The following PRR5 variants were observed in gnomAD, a reference collection of about 807,000 sequenced individuals.
PRR5 encodes proline-rich protein 5.
A neutral mutation model predicts 30.6 loss-of-function variants in PRR5; 25 were observed. The observed-to-expected ratio is 0.82, with a 90% CI of 0.60 to 1.14. The LOEUF is 1.14. Among genes scored for constraint, PRR5 ranks in the 50% most tolerant of loss-of-function variants. The pLI is 0.00. For synonymous variants in PRR5, 286 were observed against 247.1 expected (o/e 1.16, Z -1.48); for missense variants, 600 against 547.1 (o/e 1.10, Z -0.96).
intron 1 of PRR5, among the ~76,000 whole-genome samples, chr22:44,704,569 C>G (rs1447158122): frequency 6.6e-6 from 1 of 152,052 alleles, no homozygotes; most frequent in Non-Finnish European, 1.5e-5. Flanking sequence ...TCTCCCAGCC[C>G]TTAGGCCTAC....
chr22:44,728,728 G>A (rs1921328971), intron 4 of PRR5, among the ~76,000 whole-genome samples: 1 of 152,194 alleles, frequency 6.6e-6, no homozygotes, highest in African/African-American at 2.4e-5. Context: ...GGTTCCACTG[G>A]GAGCTCTTCA....
chr22:44,672,306 C>T (rs993419547), upstream of PRR5, among the ~76,000 whole-genome samples: 3 of 152,126 alleles, frequency 2.0e-5, no homozygotes, highest in East Asian at 1.9e-4. Context: ...TCAAGATGGC[C>T]GGGCACGGTG....
intron 1 of PRR5, among the ~76,000 whole-genome samples, chr22:44,671,263 G>A (rs1257266952): frequency 1.3e-5 from 2 of 152,220 alleles, no homozygotes; most frequent in East Asian, 3.8e-4. Context: ...GGCAAGAAAT[G>A]TGAATCAGAA....
intron 1 of PRR5, among the ~76,000 whole-genome samples, chr22:44,696,831 G>C (rs1227759658): frequency 1.3e-5 from 2 of 152,094 alleles, no homozygotes; most frequent in Non-Finnish European, 2.9e-5. Context: ...CCGCTTCCAG[G>C]GTTCGAGCGA....
chr22:44,726,507 G>T, intron 3 of PRR5, 70 bp from the exon 4 acceptor site: 1 of 1,608,980 alleles, frequency 6.2e-7, no homozygotes. Flanking sequence ...GGACTCTCGG[G>T]GGCCCTGCTG....
chr22:44,727,164 G>A (rs1920994457), intron 4 of PRR5, among the ~76,000 whole-genome samples: 1 of 151,826 alleles, frequency 6.6e-6, no homozygotes, highest in Non-Finnish European at 1.5e-5. Flanking sequence ...TCAGGGGTGG[G>A]GGCGGGACTC....
In PRR5 at chr22:44,737,358, A is replaced by G. The variant is rs3329; in HGVS notation, c.*111A>G. ...TACTGCGTCCCGTCCCGCCAGCCCT[A>G]TCGGCCTCGTCACTGGCCTTGGTCA... On this transcript the variant is annotated 3_prime_UTR_variant, in exon 8 of 8. Transcript: ENST00000336985. The G allele has an allele frequency of 0.19, 280,902 of 1,445,802 alleles. 40,960 individuals are homozygous for G. Among genetic ancestry groups the G allele is most frequent in the African/African-American group, 0.72 (50,562 of 70,190 alleles). 89.6% of individuals were successfully genotyped at this position (1,445,802 alleles called of 1,614,324 possible). A position where few individuals can be genotyped will look rare whatever the true frequency, so the allele number is the denominator to read the frequency against.
intron 1 of PRR5, among the ~76,000 whole-genome samples, chr22:44,685,544 C>T (rs1312204531): frequency 6.8e-6 from 1 of 147,298 alleles, no homozygotes; most frequent in Non-Finnish European, 1.5e-5. Flanking sequence ...GTGAAAGCCA[C>T]ACCCCTCTCG....
At chr22:44,711,455 G>A (rs550203259) in intron 1 of PRR5, among the ~76,000 whole-genome samples, 1 of 152,180 alleles carries the variant, frequency 6.6e-6, no homozygotes, top group African/African-American at 2.4e-5. Context: ...ACAGGTCAGA[G>A]GGAGAACCTC....
At chr22:44,734,988 G>A (rs1270571033) in intron 6 of PRR5, 39 bp from the exon 7 acceptor site, 2 of 1,583,592 alleles carry the variant, frequency 1.3e-6, no homozygotes, top group East Asian at 2.3e-5. Flanking sequence ...ACCAAGCTCG[G>A]GTGCATGACC....
intron 1 of PRR5, among the ~76,000 whole-genome samples, chr22:44,694,777 A>G (rs777090165): frequency 6.6e-6 from 1 of 152,128 alleles, no homozygotes; most frequent in Non-Finnish European, 1.5e-5. Flanking sequence ...CTGGCCCATA[A>G]TAAGTGCTCA....
chr22:44,705,144 T>A (rs554223766), intron 1 of PRR5, among the ~76,000 whole-genome samples: 1 of 152,264 alleles, frequency 6.6e-6, no homozygotes, highest in Non-Finnish European at 1.5e-5. Flanking sequence ...AGCAGAAATT[T>A]GTTCCCTCAC....
At position 44,735,134 on chromosome 22, in the gene PRR5, G is replaced by A; in HGVS notation, c.663G>A (p.Glu221=). 6.2e-7 allele frequency: 1 copy of A among 1,613,160 alleles called. No individual in the cohort carries two copies. The highest frequency in any genetic ancestry group is 8.5e-7 in the Non-Finnish European group (1 of 1,179,898). Residue 221 remains glutamate, a synonymous_variant, in exon 7 of 8, where the codon GAG becomes GAA. Transcript: ENST00000336985. The part of the protein sequence containing the change: ...YLGTYGLHSS[E]GPFTHSCILE... ...GCACCTACGGCCTCCACTCCAGCGA[G>A]GGGCCCTTCACCCATTCCTGCATCC...
Position 44,702,435 on chromosome 22 carries a change from T to A in PRR5, c.-40T>A, listed in dbSNP as rs896607922. 1 of 1,283,478 alleles carries A rather than the reference T, an allele frequency of 7.8e-7. No homozygotes were observed. The highest frequency in any genetic ancestry group is 1.6e-5 in the African/African-American group (1 of 63,470). 79.5% of individuals were successfully genotyped at this position (1,283,478 alleles called of 1,614,324 possible). On this transcript the variant is annotated 5_prime_UTR_variant, in exon 1 of 8. Coordinates refer to ENST00000336985, the MANE Select transcript of PRR5 (RefSeq NM_181333.4). ...GTGCGGCGTGGCGCAGGGCGCGGCG[T>A]GGGGCGCGCGTGGGCGCGGCGCAGG...
At chr22:44,688,507 G>A (rs1381455902) in intron 1 of PRR5, among the ~76,000 whole-genome samples, 1 of 152,176 alleles carries the variant, frequency 6.6e-6, no homozygotes, top group African/African-American at 2.4e-5. Flanking sequence ...CAGCTCCATC[G>A]GCAAGGAGGG....
chr22:44,732,542 G>A (rs530862215), intron 6 of PRR5, 151 bp downstream of exon 6: 57 of 1,264,524 alleles, frequency 4.5e-5, no homozygotes, highest in African/African-American at 2.3e-4. Context: ...GCCAGGGACC[G>A]GGGAGCAGCT....
At chr22:44,705,039 A>C (rs1311433301) in intron 1 of PRR5, among the ~76,000 whole-genome samples, 1 of 152,172 alleles carries the variant, frequency 6.6e-6, no homozygotes, top group Non-Finnish European at 1.5e-5. Flanking sequence ...TGTACTCCTC[A>C]TTATGAGTCC....
chr22:44,737,495 C>T lies in PRR5; in HGVS notation c.*248C>T, dbSNP rs1162341329. 9 of 666,594 alleles carry T rather than the reference C, an allele frequency of 1.4e-5. No individual in the cohort carries two copies. Among genetic ancestry groups the T allele is most frequent in the South Asian group, 2.8e-5 (1 of 36,346 alleles). The allele number at this position is 666,594 out of a possible 1,614,324, so 41.3% of individuals were successfully genotyped here. ...CAGGGGCCGGGCCAGAGACGGGGGT[C>T]GGCCGCTCGCTCCCACGCTCCTCCT... On this transcript the variant is annotated 3_prime_UTR_variant, in exon 8 of 8. Transcript: ENST00000336985.
At chr22:44,729,283 G>T (rs138096919) in intron 4 of PRR5, 2 of 938,414 alleles carry the variant, frequency 2.1e-6, no homozygotes, top group Non-Finnish European at 2.5e-6. Context: ...TGAGTCTCCC[G>T]ACGGGCTGAA....
Sources: gnomAD v4.1 joint callset for allele counts (sites outside exome capture counted in the v4.1 genomes callset) on GRCh38, gnomAD v4.1.1 for gene constraint, MANE v1.5 for transcripts, NCBI Gene and HGNC (gene_info 2026-07-23, HGNC 2026-07-21) for gene names.